The following CTNNA3 variants were observed in gnomAD, a reference collection of about 807,000 sequenced individuals.
CTNNA3 encodes catenin alpha 3.
In CTNNA3, 76 loss-of-function variants were observed where a neutral mutation model predicts 95.7. That is an observed-to-expected ratio of 0.79 (90% CI 0.66 to 0.96). The LOEUF (loss-of-function observed/expected upper bound fraction) is 0.96, where lower values mean the gene tolerates loss of function less well. Ranked by LOEUF, CTNNA3 falls within the 40% of genes least tolerant of loss-of-function variation. CTNNA3 has a pLI of 0.00. For synonymous variants in CTNNA3, 431 were observed against 374.4 expected (o/e 1.15, Z -1.74); for missense variants, 1,191 against 1,089.8 (o/e 1.09, Z -1.31).
At chr10:67,345,083 T>C (rs1842360500) in intron 5 of CTNNA3, among the ~76,000 whole-genome samples, 1 of 152,140 alleles carries the variant, frequency 6.6e-6, no homozygotes, top group South Asian at 2.1e-4. Flanking sequence ...AATTTCCTTC[T>C]TAATTTCTTC....
chr10:67,183,690 TA>T (rs1378691314), intron 6 of CTNNA3, among the ~76,000 whole-genome samples: 1 of 151,466 alleles, frequency 6.6e-6, no homozygotes, highest in Non-Finnish European at 1.5e-5. Context: ...AAAGTATAAT[TA>T]AAAAATAAAT....
intron 10 of CTNNA3, among the ~76,000 whole-genome samples, chr10:66,595,271 T>C (rs1843674648): frequency 6.6e-6 from 1 of 152,066 alleles, no homozygotes; most frequent in Admixed American, 6.6e-5. Context: ...ATGCATTTAG[T>C]TTGAATGTAG....
At chr10:67,149,919 G>A (rs1388596051) in intron 7 of CTNNA3, among the ~76,000 whole-genome samples, 1 of 152,008 alleles carries the variant, frequency 6.6e-6, no homozygotes, top group South Asian at 2.1e-4. Context: ...AAATAATGAG[G>A]CATTCTTATT....
At chr10:67,563,227 T>A (rs1400644932) in intron 3 of CTNNA3, among the ~76,000 whole-genome samples, 3 of 152,146 alleles carry the variant, frequency 2.0e-5, no homozygotes, top group East Asian at 1.9e-4. Flanking sequence ...TCACACTACC[T>A]GACTTCAAAC....
chr10:66,264,492 G>A lies in CTNNA3; in HGVS notation c.1884+15978C>T, dbSNP rs557297599. Among the ~76,000 whole-genome samples, 5 of 152,018 alleles carry A rather than the reference G, an allele frequency of 3.3e-5. No individual in the cohort carries two copies. The East Asian group carries it at 5.8e-4, about 18-fold the overall frequency. On this transcript the variant is annotated intron_variant, in intron 13 of 17. Transcript: ENST00000433211. ...TTAAAAATAATTTGTGTAAGTCAAA[G>A]TGATAATATTTTGGATATATTTGGT...
chr10:65,928,365 G>A (rs371170856), intron 17 of CTNNA3, among the ~76,000 whole-genome samples: 13 of 152,094 alleles, frequency 8.5e-5, no homozygotes, highest in African/African-American at 1.9e-4. Context: ...ATACTATGAC[G>A]CTAACATCAC....
intron 15 of CTNNA3, among the ~76,000 whole-genome samples, chr10:66,041,705 T>C (rs2079691818): frequency 6.6e-6 from 1 of 151,746 alleles, no homozygotes. Context: ...CCACATCAAC[T>C]AGCATTTGCA....
At chr10:66,834,719 A>G (rs1388545179) in intron 7 of CTNNA3, among the ~76,000 whole-genome samples, 2 of 152,232 alleles carry the variant, frequency 1.3e-5, no homozygotes, top group African/African-American at 2.4e-5. Flanking sequence ...ATTGAGCTCA[A>G]CAAGGCATGC....
At chr10:67,174,312 G>C (rs988486138) in intron 7 of CTNNA3, among the ~76,000 whole-genome samples, 3 of 152,152 alleles carry the variant, frequency 2.0e-5, no homozygotes, top group Non-Finnish European at 4.4e-5. Context: ...AGAGCACAAA[G>C]AAGAGATATA....
At chr10:66,182,050 T>C (rs1386026398) in intron 13 of CTNNA3, among the ~76,000 whole-genome samples, 1 of 152,188 alleles carries the variant, frequency 6.6e-6, no homozygotes, top group Non-Finnish European at 1.5e-5. Flanking sequence ...ATAATCTGTA[T>C]TGTTGATATC....
chr10:67,414,863 T>G (rs914171138), intron 5 of CTNNA3, among the ~76,000 whole-genome samples: 1 of 152,186 alleles, frequency 6.6e-6, no homozygotes, highest in African/African-American at 2.4e-5. Flanking sequence ...GTTGCACATG[T>G]TGCAAATCAA....
At chr10:66,389,759 G>T (rs2092921932) in intron 11 of CTNNA3, among the ~76,000 whole-genome samples, 1 of 140,248 alleles carries the variant, frequency 7.1e-6, no homozygotes, top group Non-Finnish European at 1.5e-5. Flanking sequence ...GAGAGAGAGA[G>T]ATAAGGTCTC....
At chr10:65,969,784 C>G (rs965862015) in intron 16 of CTNNA3, among the ~76,000 whole-genome samples, 2 of 151,782 alleles carry the variant, frequency 1.3e-5, no homozygotes, top group Non-Finnish European at 2.9e-5. Flanking sequence ...TGTAAAGTGG[C>G]CAAACCTAAA....
intron 1 of CTNNA3, among the ~76,000 whole-genome samples, chr10:67,752,720 T>C (rs995027686): frequency 1.1e-4 from 17 of 152,004 alleles, no homozygotes; most frequent in African/African-American, 4.1e-4. Context: ...TGAACTCCCA[T>C]TCACAACTGC....
At chr10:67,438,937 C>A (rs1406876795) in intron 5 of CTNNA3, among the ~76,000 whole-genome samples, 2 of 152,168 alleles carry the variant, frequency 1.3e-5, no homozygotes, top group East Asian at 1.9e-4. Context: ...ATCACCACTG[C>A]GGGCCAGAGA....
chr10:66,261,543 T>C (rs143884103), intron 13 of CTNNA3, among the ~76,000 whole-genome samples: 1 of 152,234 alleles, frequency 6.6e-6, no homozygotes, highest in East Asian at 1.9e-4. Flanking sequence ...TATGAACTTA[T>C]GGTTGAAGGC....
At chr10:66,635,802 C>G (rs1845312405) in intron 9 of CTNNA3, among the ~76,000 whole-genome samples, 1 of 152,108 alleles carries the variant, frequency 6.6e-6, no homozygotes, top group African/African-American at 2.4e-5. Flanking sequence ...CATCTGGCAA[C>G]TTCTATCTTC....
chr10:66,885,261 T>G (rs1845000662), intron 7 of CTNNA3, among the ~76,000 whole-genome samples: 1 of 152,188 alleles, frequency 6.6e-6, no homozygotes, highest in African/African-American at 2.4e-5. Flanking sequence ...AGCAGGACTT[T>G]TAAAGTCCTT....
intron 5 of CTNNA3, among the ~76,000 whole-genome samples, chr10:67,482,891 T>C (rs959004576): frequency 6.6e-6 from 1 of 152,184 alleles, no homozygotes; most frequent in Non-Finnish European, 1.5e-5. Context: ...GGGTTTGTCA[T>C]AGATAGCTCT....
Sources: allele counts gnomAD v4.1 joint callset (sites outside exome capture counted in the v4.1 genomes callset), GRCh38; gene constraint gnomAD v4.1.1; transcripts MANE v1.5; gene names NCBI Gene and HGNC (gene_info 2026-07-23, HGNC 2026-07-21).